The following GPC5 variants were observed in gnomAD, a reference collection of about 807,000 sequenced individuals.
GPC5 encodes the protein glypican-5.
Under a neutral mutation model 53.9 loss-of-function variants are expected in GPC5, and 47 were observed. That is an observed-to-expected ratio of 0.87 (90% confidence interval 0.69 to 1.11). The LOEUF is 1.11. GPC5 is among the 50% of genes most tolerant of loss of function. GPC5 has a pLI of 0.00. For synonymous variants in GPC5, 286 were observed against 263.3 expected (o/e 1.09, Z -0.84); for missense variants, 748 against 713.1 (o/e 1.05, Z -0.56).
At chr13:91,609,401 A>G (rs2033478004) in intron 2 of GPC5, among the ~76,000 whole-genome samples, 1 of 152,158 alleles carries the variant, frequency 6.6e-6, no homozygotes, top group South Asian at 2.1e-4. Flanking sequence ...AAAACAGTTC[A>G]TTTGGCAACG....
chr13:92,245,556 C>T (rs2042644432), intron 7 of GPC5, among the ~76,000 whole-genome samples: 1 of 151,974 alleles, frequency 6.6e-6, no homozygotes, highest in African/African-American at 2.4e-5. Flanking sequence ...ATGTCTGAAC[C>T]TTAGTTTCTT....
chr13:92,147,413 A>G lies in GPC5; in HGVS notation c.1561+2424A>G, dbSNP rs117370491. Among the ~76,000 whole-genome samples the G allele has an allele frequency of 8.8e-3, 1,339 of 152,068 alleles. 8 individuals carry two copies. Among genetic ancestry groups the G allele is most frequent in the Admixed American group, 0.014 (213 of 15,250 alleles). ...TGTGAGTGTGTGTGCATATGTGTGT[A>G]TAAATAGTATATTTATAGGAAGTTT... On this transcript the variant is annotated intron_variant, in intron 7 of 7. Transcript: ENST00000377067.
At chr13:91,620,546 T>C (rs1030408966) in intron 2 of GPC5, among the ~76,000 whole-genome samples, 3 of 152,144 alleles carry the variant, frequency 2.0e-5, no homozygotes, top group African/African-American at 7.2e-5. Context: ...GCATCTCTCT[T>C]TGGTAAACTG....
At chr13:92,737,169 C>T (rs1213550684) in intron 7 of GPC5, among the ~76,000 whole-genome samples, 3 of 151,956 alleles carry the variant, frequency 2.0e-5, no homozygotes, top group South Asian at 2.1e-4. Context: ...GTACAGACAG[C>T]GAGTATATAT....
chr13:92,743,964 T>C (rs926345759), intron 7 of GPC5, among the ~76,000 whole-genome samples: 6 of 152,214 alleles, frequency 3.9e-5, no homozygotes, highest in African/African-American at 9.6e-5. Context: ...AAACATGATC[T>C]AATTTGCAGT....
chr13:92,310,296 A>G (rs952661150), intron 7 of GPC5, among the ~76,000 whole-genome samples: 1 of 152,130 alleles, frequency 6.6e-6, no homozygotes, highest in Non-Finnish European at 1.5e-5. Flanking sequence ...TTTCACACAT[A>G]TGTTTGAGGC....
At chr13:91,418,334 T>A (rs1878378061) in intron 1 of GPC5, among the ~76,000 whole-genome samples, 1 of 152,118 alleles carries the variant, frequency 6.6e-6, no homozygotes, top group Non-Finnish European at 1.5e-5. Flanking sequence ...TGTTTAGAAA[T>A]GAATAAACGT....
At chr13:91,964,441 C>A (rs2040161254) in intron 6 of GPC5, among the ~76,000 whole-genome samples, 1 of 151,944 alleles carries the variant, frequency 6.6e-6, no homozygotes, top group Non-Finnish European at 1.5e-5. Flanking sequence ...GCTGATTGGT[C>A]TGTTTTGACA....
chr13:92,154,439 A>G (rs892226746), intron 7 of GPC5, among the ~76,000 whole-genome samples: 3 of 152,224 alleles, frequency 2.0e-5, no homozygotes, highest in African/African-American at 7.2e-5. Flanking sequence ...TTGTGACCTC[A>G]GGAAGGGAAG....
intron 7 of GPC5, among the ~76,000 whole-genome samples, chr13:92,647,139 A>G (rs1306360063): frequency 6.6e-6 from 1 of 151,998 alleles, no homozygotes; most frequent in African/African-American, 2.4e-5. Context: ...TTTCACTAAG[A>G]CCTCAGCCTA....
chr13:91,820,542 G>A (rs2038475846), intron 5 of GPC5, among the ~76,000 whole-genome samples: 2 of 152,086 alleles, frequency 1.3e-5, no homozygotes, highest in Non-Finnish European at 2.9e-5. Flanking sequence ...AAATAAATTG[G>A]TCTATCTTTG....
intron 7 of GPC5, among the ~76,000 whole-genome samples, chr13:92,769,401 T>C (rs1270305950): frequency 6.9e-6 from 1 of 143,896 alleles, no homozygotes; most frequent in Non-Finnish European, 1.5e-5. Context: ...TAAGTCCACC[T>C]GTGTTTTTTT....
At chr13:91,563,493 T>C (rs1281064239) in intron 2 of GPC5, among the ~76,000 whole-genome samples, 1 of 152,160 alleles carries the variant, frequency 6.6e-6, no homozygotes, top group South Asian at 2.1e-4. Context: ...TCAGGGTTGA[T>C]AGTTATAATC....
At position 92,032,072 on chromosome 13, in the gene GPC5, A is replaced by G. The variant is rs987353581; in HGVS notation, c.1402-112758A>G. Reference sequence around the variant, plus strand: ...TATAAAATATATATATTATGTATATATAATATATCTGATGGAATACTACTC... The same window carrying G: ...TATAAAATATATATATTATGTATATGTAATATATCTGATGGAATACTACTC... On this transcript the variant is annotated intron_variant, in intron 6 of 7. Transcript: ENST00000377067. Among the ~76,000 whole-genome samples the G allele has an allele frequency of 2.9e-5, 4 of 139,362 alleles. No homozygotes were observed. In the East Asian group the frequency reaches 8.0e-4, roughly 28 times the overall value. 91.4% of individuals were successfully genotyped at this position (139,362 alleles called of 152,430 possible). A position where few individuals can be genotyped will look rare whatever the true frequency, so the allele number is the denominator to read the frequency against.
At chr13:91,652,145 A>G (rs1001443920) in intron 2 of GPC5, among the ~76,000 whole-genome samples, 23 of 152,174 alleles carry the variant, frequency 1.5e-4, no homozygotes, top group African/African-American at 5.3e-4. Flanking sequence ...CCTGATCTCA[A>G]TTGTCATCAA....
At chr13:91,510,409 T>C (rs1178203006) in intron 2 of GPC5, among the ~76,000 whole-genome samples, 1 of 152,190 alleles carries the variant, frequency 6.6e-6, no homozygotes, top group Admixed American at 6.6e-5. Flanking sequence ...AGCTGCAAAA[T>C]TTGGTTTTGT....
chr13:92,555,799 A>G (rs1308318503), intron 7 of GPC5, among the ~76,000 whole-genome samples: 4 of 150,352 alleles, frequency 2.7e-5, no homozygotes, highest in Non-Finnish European at 4.4e-5. Flanking sequence ...TTACATATAT[A>G]TTCCCTAACT....
intron 4 of GPC5, among the ~76,000 whole-genome samples, chr13:91,753,887 A>G (rs1344959981): frequency 6.6e-6 from 1 of 152,112 alleles, no homozygotes. Context: ...GCACTGTATT[A>G]TCATTGTAGG....
intron 7 of GPC5, among the ~76,000 whole-genome samples, chr13:92,359,154 G>T (rs754394155): frequency 2.0e-5 from 3 of 151,634 alleles, no homozygotes; most frequent in African/African-American, 4.9e-5. Flanking sequence ...TGAGTGCTTT[G>T]CTGCTTGGAA....
Sources: gnomAD v4.1 joint callset for allele counts (sites outside exome capture counted in the v4.1 genomes callset) on GRCh38, gnomAD v4.1.1 for gene constraint, MANE v1.5 for transcripts, NCBI Gene and HGNC (gene_info 2026-07-23, HGNC 2026-07-21) for gene names.